The following ETV2 variants were observed in gnomAD, a reference collection of about 807,000 sequenced individuals.
ETV2 encodes the protein ETS variant transcription factor 2.
ETV2 carries 34 observed loss-of-function variants against 35.7 expected under a neutral mutation model. That is an observed-to-expected ratio of 0.95 (90% CI 0.72 to 1.27). The LOEUF (loss-of-function observed/expected upper bound fraction) is 1.27, where lower values mean the gene tolerates loss of function less well. ETV2 is among the 50% of genes most tolerant of loss of function. ETV2 has a pLI of 0.00. For synonymous variants in ETV2, 207 were observed against 203.9 expected (o/e 1.02, Z -0.13); for missense variants, 512 against 470.5 (o/e 1.09, Z -0.82).
At position 35,644,320 on chromosome 19, in the gene ETV2, C is replaced by A. The variant is rs1427680979; in HGVS notation, c.801C>A (p.Arg267=). Residue 267 remains arginine (R), a synonymous_variant, in exon 6 of 7, where the codon CGC becomes CGA. Coordinates refer to ENST00000402764, the MANE Select transcript of ETV2 (RefSeq NM_014209.4). The surrounding 1 kb of genome is among the most constrained non-coding windows in gnomAD (Gnocchi z 4.7). ...GCATCCGTTGGACTGGCAACAGCCG[C>A]GAGTTCCAGCTGTGCGACCCCAAAG... The part of the protein sequence containing the change: ...SSCIRWTGNS[R]EFQLCDPKEV... 6.4e-7 allele frequency: 1 copy of A among 1,554,562 alleles called. No homozygotes were observed. Among genetic ancestry groups the A allele is most frequent in the Admixed American group, 1.9e-5 (1 of 51,548 alleles).
At position 35,644,573 on chromosome 19, in the gene ETV2, A is replaced by C; in HGVS notation, c.829-79A>C. On this transcript the variant is annotated intron_variant, in intron 6 of 6. Transcript: ENST00000402764. This position sits in a 1 kb window ranked among gnomAD's most constrained non-coding sequence, Gnocchi z 4.7. ...GGCCTCGCCCAGGTCTGCACTGCAC[A>C]CCGCCCCCAGGCCCGGCCCTCCCCA... 7.1e-7 allele frequency: 1 copy of C among 1,408,188 alleles called. No homozygotes were observed. The highest frequency in any genetic ancestry group is 9.6e-7 in the Non-Finnish European group (1 of 1,042,804). The allele number at this position is 1,408,188 out of a possible 1,614,324, so 87.2% of individuals were successfully genotyped here. A position where few individuals can be genotyped will look rare whatever the true frequency, so the allele number is the denominator to read the frequency against.
chr19:35,644,342 A>G lies in ETV2; in HGVS notation c.823A>G (p.Lys275Glu), dbSNP rs1488224444. The part of the protein sequence containing the change: ...NSREFQLCDP[K>E]EVARLWGERK... ...CCGCGAGTTCCAGCTGTGCGACCCC[A>G]AAGAGGTGGGGCAGCTCCCCTGCCC... The change falls in exon 6 of 7, where the codon AAA becomes GAA. Residue 275 changes from lysine (K) to glutamate (E), a missense_variant. Lys to Glu is a moderately conservative substitution (Grantham distance 56). Coordinates refer to ENST00000402764, the MANE Select transcript of ETV2 (RefSeq NM_014209.4). The surrounding 1 kb of genome is among the most constrained non-coding windows in gnomAD (Gnocchi z 4.7). 4 of 1,542,782 alleles carry G rather than the reference A, an allele frequency of 2.6e-6. No homozygotes were observed. The African/African-American group carries it at 4.2e-5, about 16-fold the overall frequency.
At position 35,642,251 on chromosome 19, in the gene ETV2, G is replaced by A; in HGVS notation, c.-28+95G>A. 1 of 504,454 alleles carries A rather than the reference G, an allele frequency of 2.0e-6. No homozygotes were observed. Among genetic ancestry groups the A allele is most frequent in the East Asian group, 3.5e-5 (1 of 28,670 alleles). 31.2% of individuals were successfully genotyped at this position (504,454 alleles called of 1,614,324 possible). A position where few individuals can be genotyped will look rare whatever the true frequency, so the allele number is the denominator to read the frequency against. ...AAGAAGCCGGGGGCCTGGACTCCTG[G>A]GTCTAACAGAGGAAGAGAGCTGGGG... On this transcript the variant is annotated intron_variant, in intron 1 of 6. Transcript: ENST00000402764. This position sits in a 1 kb window ranked among gnomAD's most constrained non-coding sequence, Gnocchi z 4.4.
Position 35,643,730 on chromosome 19 carries a change from G to C in ETV2, c.692G>C (p.Arg231Pro). The change falls in exon 5 of 7, where the codon CGA (arginine) becomes CCA (proline). Residue 231 changes from arginine (R) to proline (P), a missense_variant. Transcript: ENST00000402764. This position sits in a 1 kb window ranked among gnomAD's most constrained non-coding sequence, Gnocchi z 5.0. ...CAGTCGGACCGTGCCAGTTTGGCTC[G>C]ATGCCCCAAAACTAACCACCGAGGT... ...SPQSDRASLARCPKTNHRGPI... is the reference protein window; with the variant it reads ...SPQSDRASLAPCPKTNHRGPI... 6.2e-7 allele frequency: 1 copy of C among 1,613,708 alleles called. No individual in the cohort carries two copies. Among genetic ancestry groups the C allele is most frequent in the Non-Finnish European group, 8.5e-7 (1 of 1,179,822 alleles).
Position 35,643,323 on chromosome 19 carries a change from G to A in ETV2, c.285G>A (p.Ala95=), listed in dbSNP as rs1967659721. The A allele has an allele frequency of 1.2e-6, 2 of 1,601,502 alleles. No individual in the cohort carries two copies. The highest frequency in any genetic ancestry group is 1.7e-6 in the Non-Finnish European group (2 of 1,175,742). The change falls in exon 5 of 7, where the codon GCG becomes GCA. Residue 95 remains alanine (A), a synonymous_variant. Coordinates refer to ENST00000402764, the MANE Select transcript of ETV2 (RefSeq NM_014209.4). The surrounding 1 kb of genome is among the most constrained non-coding windows in gnomAD (Gnocchi z 5.0). ...GGTCCGGGGACTGGACAGACATGGC[G>A]TGCACAGCCTGGGACTCTTGGAGCG... ...LPWSGDWTDM[A]CTAWDSWSGA...
rs988896410 is a variant in ETV2 at position 35,644,132 on chromosome 19, C to T, written c.716-103C>T. On this transcript the variant is annotated intron_variant, in intron 5 of 6. Transcript: ENST00000402764. This position sits in a 1 kb window ranked among gnomAD's most constrained non-coding sequence, Gnocchi z 4.7. Reference sequence around the variant, plus strand: ...GAGAAGGGGGGGCGGATCCCCTTCTCGGGTCCTGGGTCCCGAGTTGGGAGG... The same window carrying T: ...GAGAAGGGGGGGCGGATCCCCTTCTTGGGTCCTGGGTCCCGAGTTGGGAGG... 4 of 801,718 alleles carry T rather than the reference C, an allele frequency of 5.0e-6. No individual in the cohort carries two copies. In the African/African-American group the frequency reaches 5.1e-5, roughly 10 times the overall value. 49.7% of individuals were successfully genotyped at this position (801,718 alleles called of 1,614,324 possible). A position where few individuals can be genotyped will look rare whatever the true frequency, so the allele number is the denominator to read the frequency against.
chr19:35,643,550 G>T lies in ETV2; in HGVS notation c.512G>T (p.Gly171Val). ...DGDTYWGSGL[G>V]GEPRTDCTIS... ...GATACCTACTGGGGCAGTGGCCTGG[G>T]CGGGGAGCCGCGCACGGACTGTACC... The change falls in exon 5 of 7, where the codon GGC (glycine) becomes GTC (valine). Residue 171 changes from glycine (G) to valine (V), a missense_variant. By Grantham distance (109) the Gly-to-Val change is moderately radical (BLOSUM62 -3). Coordinates refer to ENST00000402764, the MANE Select transcript of ETV2 (RefSeq NM_014209.4). The surrounding 1 kb of genome is among the most constrained non-coding windows in gnomAD (Gnocchi z 5.0). The T allele has an allele frequency of 6.4e-7, 1 of 1,556,480 alleles. No homozygotes were observed. The highest frequency in any genetic ancestry group is 1.2e-5 in the South Asian group (1 of 85,454).
Position 35,643,924 on chromosome 19 carries a change from GGGCTAAGAAACT to G in ETV2, c.715+174_715+185del, listed in dbSNP as rs1357445665. 6.6e-6 allele frequency among the ~76,000 whole-genome samples: 1 copy of G among 152,148 alleles called. No homozygotes were observed. Among genetic ancestry groups the G allele is most frequent in the Non-Finnish European group, 1.5e-5 (1 of 68,016 alleles). The stretch of plus-strand genomic sequence containing the variant: ...GCACTCCAGGTCCTTGGGGAGGAGA[GGGCTAAGAAACT>G]GGTAGTCTTATAGGGACCAAGGGGA... On this transcript the variant is annotated intron_variant, in intron 5 of 6. Coordinates refer to ENST00000402764, the MANE Select transcript of ETV2 (RefSeq NM_014209.4). The surrounding 1 kb of genome is among the most constrained non-coding windows in gnomAD (Gnocchi z 5.0).
chr19:35,644,194 G>C lies in ETV2; in HGVS notation c.716-41G>C, dbSNP rs1276001097. 7.4e-7 allele frequency: 1 copy of C among 1,353,978 alleles called. No homozygotes were observed. The highest frequency in any genetic ancestry group is 2.5e-5 in the East Asian group (1 of 40,034). 83.9% of individuals were successfully genotyped at this position (1,353,978 alleles called of 1,614,324 possible). On this transcript the variant is annotated intron_variant, in intron 5 of 6. Coordinates refer to ENST00000402764, the MANE Select transcript of ETV2 (RefSeq NM_014209.4). The surrounding 1 kb of genome is among the most constrained non-coding windows in gnomAD (Gnocchi z 4.7). The stretch of plus-strand genomic sequence containing the variant: ...TAGATCATTGAAGTGGTGTGATCTA[G>C]GGCCGGGAAGACTGAGTGTGCCCCT...
Position 35,643,187 on chromosome 19 carries a change from C to G in ETV2, c.236-87C>G. Reference sequence around the variant, plus strand: ...GACCTGGATCCGGGTCAGCCGGGCCCCAAGTGCCAGGGTTGAGAGCTTAGA... The same window carrying G: ...GACCTGGATCCGGGTCAGCCGGGCCGCAAGTGCCAGGGTTGAGAGCTTAGA... On this transcript the variant is annotated intron_variant, in intron 4 of 6. Coordinates refer to ENST00000402764, the MANE Select transcript of ETV2 (RefSeq NM_014209.4). The surrounding 1 kb of genome is among the most constrained non-coding windows in gnomAD (Gnocchi z 5.0). The G allele has an allele frequency of 6.6e-7, 1 of 1,512,574 alleles. No individual in the cohort carries two copies. Among genetic ancestry groups the G allele is most frequent in the Non-Finnish European group, 8.9e-7 (1 of 1,129,724 alleles). The allele number at this position is 1,512,574 out of a possible 1,614,324, so 93.7% of individuals were successfully genotyped here. A position where few individuals can be genotyped will look rare whatever the true frequency, so the allele number is the denominator to read the frequency against.
chr19:35,643,561 C>T lies in ETV2; in HGVS notation c.523C>T (p.Arg175Cys). 3 of 1,563,840 alleles carry T rather than the reference C, an allele frequency of 1.9e-6. No individual in the cohort carries two copies. The highest frequency in any genetic ancestry group is 1.9e-5 in the Admixed American group (1 of 51,536). The change falls in exon 5 of 7, where the codon CGC (arginine) becomes TGC (cysteine). Residue 175 changes from arginine to cysteine, a missense_variant. Coordinates refer to ENST00000402764, the MANE Select transcript of ETV2 (RefSeq NM_014209.4). This position sits in a 1 kb window ranked among gnomAD's most constrained non-coding sequence, Gnocchi z 5.0. ...GGGCAGTGGCCTGGGCGGGGAGCCGCGCACGGACTGTACCATTTCGTGGGG... is the reference window on the plus strand; with the variant it reads ...GGGCAGTGGCCTGGGCGGGGAGCCGTGCACGGACTGTACCATTTCGTGGGG... ...YWGSGLGGEP[R>C]TDCTISWGGP...
Position 35,644,464 on chromosome 19 carries a change from C to A in ETV2, c.828+117C>A. 3.3e-6 allele frequency: 3 copies of A among 918,062 alleles called. No homozygotes were observed. The highest frequency in any genetic ancestry group is 5.0e-6 in the Non-Finnish European group (3 of 600,266). 56.9% of individuals were successfully genotyped at this position (918,062 alleles called of 1,614,324 possible). ...CGGCCCCGCCGCTCCCCGGCCCACTCGAGGCCCCGCCCAACCCTTCTCAAA... is the reference window on the plus strand; with the variant it reads ...CGGCCCCGCCGCTCCCCGGCCCACTAGAGGCCCCGCCCAACCCTTCTCAAA... On this transcript the variant is annotated intron_variant, in intron 6 of 6. Transcript: ENST00000402764. The surrounding 1 kb of genome is among the most constrained non-coding windows in gnomAD (Gnocchi z 4.7).
chr19:35,643,873 G>C lies in ETV2; in HGVS notation c.715+120G>C. On this transcript the variant is annotated intron_variant, in intron 5 of 6. Transcript: ENST00000402764. This position sits in a 1 kb window ranked among gnomAD's most constrained non-coding sequence, Gnocchi z 5.0. ...GAGGGGGCGGGGGCTTAGGGACCAGGGGCTCGAAGGAGGGGCCGGTGGCCC... is the reference window on the plus strand; with the variant it reads ...GAGGGGGCGGGGGCTTAGGGACCAGCGGCTCGAAGGAGGGGCCGGTGGCCC... 7.0e-7 allele frequency: 1 copy of C among 1,436,010 alleles called. No individual in the cohort carries two copies. Among genetic ancestry groups the C allele is most frequent in the Non-Finnish European group, 9.5e-7 (1 of 1,056,896 alleles). The allele number at this position is 1,436,010 out of a possible 1,614,324, so 89.0% of individuals were successfully genotyped here.
Position 35,643,348 on chromosome 19 carries a change from G to T in ETV2, c.310G>T (p.Gly104Cys). 1 of 1,592,460 alleles carries T rather than the reference G, an allele frequency of 6.3e-7. No individual in the cohort carries two copies. The highest frequency in any genetic ancestry group is 8.5e-7 in the Non-Finnish European group (1 of 1,171,188). The part of the protein sequence containing the change: ...MACTAWDSWS[G>C]ASQTLGPAPL... Reference sequence around the variant, plus strand: ...GTGCACAGCCTGGGACTCTTGGAGCGGCGCCTCGCAGACCCTGGGCCCCGC... The same window carrying T: ...GTGCACAGCCTGGGACTCTTGGAGCTGCGCCTCGCAGACCCTGGGCCCCGC... The change falls in exon 5 of 7, where the codon GGC becomes TGC. Residue 104 changes from glycine to cysteine, a missense_variant. Gly to Cys is a radical substitution (Grantham distance 159, BLOSUM62 -3). Coordinates refer to ENST00000402764, the MANE Select transcript of ETV2 (RefSeq NM_014209.4). This position sits in a 1 kb window ranked among gnomAD's most constrained non-coding sequence, Gnocchi z 5.0.
rs1967699241 is a variant in ETV2, at chr19:35,644,103, C to T, written c.716-132C>T. On this transcript the variant is annotated intron_variant, in intron 5 of 6. Transcript: ENST00000402764. The surrounding 1 kb of genome is among the most constrained non-coding windows in gnomAD (Gnocchi z 4.7). ...GAGTCTCCAAGGCTGACTGTTGGATCTCAGAGAAGGGGGGGCGGATCCCCT... is the reference window on the plus strand; with the variant it reads ...GAGTCTCCAAGGCTGACTGTTGGATTTCAGAGAAGGGGGGGCGGATCCCCT... 2.8e-6 allele frequency: 2 copies of T among 718,634 alleles called. No individual in the cohort carries two copies. The highest frequency in any genetic ancestry group is 2.7e-5 in the East Asian group (1 of 37,216). 44.5% of individuals were successfully genotyped at this position (718,634 alleles called of 1,614,324 possible). A position where few individuals can be genotyped will look rare whatever the true frequency, so the allele number is the denominator to read the frequency against.
At position 35,642,435 on chromosome 19, in the gene ETV2, A is replaced by G. The variant is rs771992931; in HGVS notation, c.-26A>G. 4.6e-6 allele frequency: 7 copies of G among 1,507,124 alleles called. No homozygotes were observed. The highest frequency in any genetic ancestry group is 6.3e-6 in the Non-Finnish European group (7 of 1,105,540). 93.4% of individuals were successfully genotyped at this position (1,507,124 alleles called of 1,614,324 possible). A position where few individuals can be genotyped will look rare whatever the true frequency, so the allele number is the denominator to read the frequency against. On this transcript the variant is annotated splice_region_variant and 5_prime_UTR_variant, in exon 2 of 7. Coordinates refer to ENST00000402764, the MANE Select transcript of ETV2 (RefSeq NM_014209.4). This position sits in a 1 kb window ranked among gnomAD's most constrained non-coding sequence, Gnocchi z 4.4. ...CCATCTGGACTTTTCCCGACCCAGAACATTCAGAAGGCCTTCATCGCATCC... is the reference window on the plus strand; with the variant it reads ...CCATCTGGACTTTTCCCGACCCAGAGCATTCAGAAGGCCTTCATCGCATCC...
chr19:35,644,252 C>G lies in ETV2; in HGVS notation c.733C>G (p.Gln245Glu), dbSNP rs146495054. 556 of 1,560,760 alleles carry G rather than the reference C, an allele frequency of 3.6e-4. No individual in the cohort carries two copies. The highest frequency in any genetic ancestry group is 4.6e-4 in the Non-Finnish European group (525 of 1,151,660). The change falls in exon 6 of 7, where the codon CAG becomes GAG. Residue 245 changes from glutamine (Q) to glutamate (E), a missense_variant. Physicochemically the swap from Gln to Glu is conservative, Grantham distance 29 (BLOSUM62 2). Transcript: ENST00000402764. The surrounding 1 kb of genome is among the most constrained non-coding windows in gnomAD (Gnocchi z 4.7). The stretch of plus-strand genomic sequence containing the variant: ...TCCCGCAGGTCCCATTCAGCTGTGG[C>G]AGTTCCTCCTGGAGCTGCTCCACGA... Reference protein sequence around the residue: ...TNHRGPIQLWQFLLELLHDGA... With the variant: ...TNHRGPIQLWEFLLELLHDGA...
At position 35,642,376 on chromosome 19, in the gene ETV2, C is replaced by T. The variant is rs1967623305; in HGVS notation, c.-27-58C>T. The T allele has an allele frequency of 1.1e-6, 1 of 908,644 alleles. No homozygotes were observed. Among genetic ancestry groups the T allele is most frequent in the Non-Finnish European group, 1.7e-6 (1 of 597,108 alleles). The allele number at this position is 908,644 out of a possible 1,614,324, so 56.3% of individuals were successfully genotyped here. A position where few individuals can be genotyped will look rare whatever the true frequency, so the allele number is the denominator to read the frequency against. On this transcript the variant is annotated intron_variant, in intron 1 of 6. Coordinates refer to ENST00000402764, the MANE Select transcript of ETV2 (RefSeq NM_014209.4). This position sits in a 1 kb window ranked among gnomAD's most constrained non-coding sequence, Gnocchi z 4.4. ...GGAAGCTAGGGCTGGGGCCCAGACT[C>T]CAGGGCCTCCAAGTGTCACCAGCTC...
rs992152293 is a variant in ETV2, at chr19:35,644,494, A to G, written c.828+147A>G. On this transcript the variant is annotated intron_variant, in intron 6 of 6. Transcript: ENST00000402764. The surrounding 1 kb of genome is among the most constrained non-coding windows in gnomAD (Gnocchi z 4.7). ...CCCCGCCCAACCCTTCTCAAACCCA[A>G]TCTCCCGCCTGTACTCCTGCCTCAA... 80 of 903,132 alleles carry G rather than the reference A, an allele frequency of 8.9e-5. 1 individual carries two copies. Among genetic ancestry groups the G allele is most frequent in the Middle Eastern group, 3.2e-4 (1 of 3,080 alleles). The allele number at this position is 903,132 out of a possible 1,614,324, so 55.9% of individuals were successfully genotyped here. A position where few individuals can be genotyped will look rare whatever the true frequency, so the allele number is the denominator to read the frequency against.
Sources: gnomAD v4.1 joint callset for allele counts (sites outside exome capture counted in the v4.1 genomes callset) on GRCh38, gnomAD v4.1.1 for gene constraint, Gnocchi (gnomAD v3.1) non-coding constraint, MANE v1.5 for transcripts, NCBI Gene and HGNC (gene_info 2026-07-23, HGNC 2026-07-21) for gene names.